PLOD2: variants seen among roughly 807,000 people sequenced by gnomAD.
PLOD2 encodes procollagen-lysine,2-oxoglutarate 5-dioxygenase 2.
PLOD2 carries 65 observed loss-of-function variants against 101.0 expected under a neutral mutation model. The observed-to-expected ratio is 0.64, with a 90% confidence interval of 0.53 to 0.79. The LOEUF (loss-of-function observed/expected upper bound fraction) is 0.79, where lower values mean the gene tolerates loss of function less well. Ranked by LOEUF, PLOD2 falls within the 30% of genes least tolerant of loss-of-function variation. The pLI is 0.00. For missense variants in PLOD2, 909 were observed against 914.6 expected, an observed-to-expected ratio of 0.99 and a Z score of 0.08; for synonymous variants, 314 against 302.9, an observed-to-expected ratio of 1.04 and a Z score of -0.38.
chr3:146,091,879 T>C lies in PLOD2; in HGVS notation c.800A>G (p.Asn267Ser), dbSNP rs1434129659. The C allele has an allele frequency of 5.6e-6, 9 of 1,596,272 alleles. No homozygotes were observed. In the Admixed American group the frequency reaches 8.3e-5, roughly 15 times the overall value. The change falls in exon 8 of 20, where the codon AAC becomes AGC. Residue 267 changes from asparagine to serine, a missense_variant. By Grantham distance (46) the Asn-to-Ser change is conservative. Coordinates refer to ENST00000282903, the MANE Select transcript of PLOD2 (RefSeq NM_182943.3). Reference protein sequence around the residue: ...PTKILLNYFGNYVPNSWTQDN... With the variant: ...PTKILLNYFGSYVPNSWTQDN... ...CTGTGTCCATGAATTGGGTACATAGTTTCCAAAATAATTCAGGAGAATCTT... is the reference window on the plus strand; with the variant it reads ...CTGTGTCCATGAATTGGGTACATAGCTTCCAAAATAATTCAGGAGAATCTT...
rs12171294 is a variant in PLOD2 at position 146,120,786 on chromosome 3, G to A, written c.338+326C>T. ...TGTTGCCAGGATGGAGTAGAGTGGC[G>A]CAATCTCGGCTCACTGCAACCTTGC... On this transcript the variant is annotated intron_variant, in intron 3 of 19. Transcript: ENST00000282903. Among the ~76,000 whole-genome samples, 62,249 of 151,872 alleles carry A rather than the reference G, an allele frequency of 0.41. 13,168 individuals are homozygous for A. The highest frequency in any genetic ancestry group is 0.56 in the East Asian group (2,894 of 5,124).
intron 1 of PLOD2, among the ~76,000 whole-genome samples, chr3:146,141,960 G>A (rs1425493525): frequency 6.6e-6 from 1 of 152,054 alleles, no homozygotes; most frequent in African/African-American, 2.4e-5. Context: ...GAGTTCACCA[G>A]GTGAAGAAAT....
intron 7 of PLOD2, among the ~76,000 whole-genome samples, chr3:146,097,017 G>T (rs1045574171): frequency 6.9e-6 from 1 of 144,696 alleles, no homozygotes; most frequent in Non-Finnish European, 1.5e-5. Context: ...TCAGCCCCCC[G>T]CCCGGCCAGC....
At chr3:146,096,453 C>T (rs1274566164) in intron 7 of PLOD2, among the ~76,000 whole-genome samples, 11 of 107,632 alleles carry the variant, frequency 1.0e-4, no homozygotes, top group Non-Finnish European at 1.9e-4. Context: ...GCCTCTTCCC[C>T]GCCGCCATCC....
chr3:146,143,088 T>C (rs1432585750), intron 1 of PLOD2, among the ~76,000 whole-genome samples: 2 of 152,130 alleles, frequency 1.3e-5, no homozygotes, highest in East Asian at 3.9e-4. Context: ...ACAGCAGCTA[T>C]TTTGGCCTAC....
rs2032565950 is a variant in PLOD2, at chr3:146,161,142, G to T, written c.-153C>A. ...GCGCGGCCGGCAGCCGGAGCGGCGC[G>T]TAACGCAGCTGAGTGAGGTCGTCGG... On this transcript the variant is annotated 5_prime_UTR_variant, in exon 1 of 20. Coordinates refer to ENST00000282903, the MANE Select transcript of PLOD2 (RefSeq NM_182943.3). 1 of 433,208 alleles carries T rather than the reference G, an allele frequency of 2.3e-6. No homozygotes were observed. The highest frequency in any genetic ancestry group is 5.7e-5 in the South Asian group (1 of 17,584). 26.8% of individuals were successfully genotyped at this position (433,208 alleles called of 1,614,324 possible).
intron 1 of PLOD2, among the ~76,000 whole-genome samples, chr3:146,154,857 T>C (rs937193463): frequency 6.6e-6 from 1 of 152,184 alleles, no homozygotes; most frequent in Non-Finnish European, 1.5e-5. Context: ...AACCTGATTG[T>C]ATTGTTTTGA....
At chr3:146,087,918 A>T (rs191101703) in intron 9 of PLOD2, among the ~76,000 whole-genome samples, 1 of 151,944 alleles carries the variant, frequency 6.6e-6, no homozygotes, top group Admixed American at 6.6e-5. Flanking sequence ...ACATTAGGAA[A>T]AAGGAACAAT....
intron 17 of PLOD2, among the ~76,000 whole-genome samples, chr3:146,071,981 G>A (rs138148087): frequency 2.6e-5 from 4 of 151,726 alleles, no homozygotes; most frequent in South Asian, 4.2e-4. Context: ...GGACATAACC[G>A]TGCAGAGGCA....
At chr3:146,160,769 G>A (rs1312475515) in intron 1 of PLOD2, 112 bp downstream of exon 1, 2 of 714,958 alleles carry the variant, frequency 2.8e-6, no homozygotes, top group Non-Finnish European at 2.5e-6. Context: ...GGAGAGGAGG[G>A]ACAGGCCCCC....
chr3:146,120,902 T>C (rs889217818), intron 3 of PLOD2, among the ~76,000 whole-genome samples: 42 of 152,166 alleles, frequency 2.8e-4, no homozygotes, highest in African/African-American at 9.4e-4. Context: ...TTTGTATTTT[T>C]AGTAGAGACA....
Position 146,071,064 on chromosome 3 carries a change from T to C in PLOD2, c.2099A>G (p.Asn700Ser). ...ASTFTINIAL[N>S]NVGEDFQGGG... ...TACCTGAAAGTCTTCTCCCACGTTA[T>C]TAAGTGCAATGTTTATGGTAAATGT... The change falls in exon 19 of 20, where the codon AAT (asparagine) becomes AGT (serine). Residue 700 changes from asparagine to serine, a missense_variant. Coordinates refer to ENST00000282903, the MANE Select transcript of PLOD2 (RefSeq NM_182943.3). The C allele has an allele frequency of 6.2e-7, 1 of 1,608,584 alleles. No individual in the cohort carries two copies. The highest frequency in any genetic ancestry group is 8.5e-7 in the Non-Finnish European group (1 of 1,175,824).
chr3:146,100,500 TA>T (rs1937349003), intron 7 of PLOD2, among the ~76,000 whole-genome samples: 1 of 151,924 alleles, frequency 6.6e-6, no homozygotes, highest in Non-Finnish European at 1.5e-5. Context: ...ACCCAAAAAG[TA>T]AAGACTACAC....
chr3:146,159,680 T>C (rs2032476918), intron 1 of PLOD2, among the ~76,000 whole-genome samples: 1 of 152,226 alleles, frequency 6.6e-6, no homozygotes, highest in Admixed American at 6.5e-5. Flanking sequence ...AGTTCAAATT[T>C]AGAGGAATCA....
intron 3 of PLOD2, among the ~76,000 whole-genome samples, chr3:146,117,120 G>A (rs1008708860): frequency 3.3e-5 from 5 of 152,212 alleles, no homozygotes; most frequent in African/African-American, 1.2e-4. Flanking sequence ...TTTATGGCAT[G>A]TTATATAAAT....
chr3:146,156,147 C>A (rs986516065), intron 1 of PLOD2, among the ~76,000 whole-genome samples: 11 of 152,300 alleles, frequency 7.2e-5, no homozygotes, highest in African/African-American at 2.6e-4. Context: ...TATGTTTGAA[C>A]GCAAAACACC....
intron 11 of PLOD2, among the ~76,000 whole-genome samples, chr3:146,084,619 GACAA>G (rs201484574): frequency 0.01 from 1,536 of 152,158 alleles, 33 homozygotes; most frequent in African/African-American, 0.035. Flanking sequence ...CAGTAGTATT[GACAA>G]ACAAACTTAG....
chr3:146,079,031 G>A (rs892370992), intron 13 of PLOD2, 85 bp downstream of exon 13: 1 of 1,364,890 alleles, frequency 7.3e-7, no homozygotes, highest in Non-Finnish European at 1.0e-6. Flanking sequence ...GCAAGACAAA[G>A]GGCATCAAAA....
chr3:146,157,651 A>G (rs2032365495), intron 1 of PLOD2, among the ~76,000 whole-genome samples: 1 of 152,182 alleles, frequency 6.6e-6, no homozygotes, highest in African/African-American at 2.4e-5. Context: ...GCTTTGTCCC[A>G]TGTGTTGGAT....
Sources: gnomAD v4.1 joint callset for allele counts (sites outside exome capture counted in the v4.1 genomes callset) on GRCh38, gnomAD v4.1.1 for gene constraint, MANE v1.5 for transcripts, NCBI Gene and HGNC (gene_info 2026-07-23, HGNC 2026-07-21) for gene names.